The following CNTN6 variants were observed in gnomAD, a reference collection of about 807,000 sequenced individuals.
CNTN6 encodes contactin-6.
A neutral mutation model predicts 122.8 loss-of-function variants in CNTN6; 137 were observed. The ratio of observed to expected loss-of-function variants is 1.12; its 90% CI spans 0.97 to 1.29. CNTN6 has a LOEUF of 1.29. Among genes scored for constraint, CNTN6 ranks in the 50% most tolerant of loss-of-function variants. CNTN6 has a pLI of 0.00. For synonymous variants in CNTN6, 570 were observed against 426.0 expected (o/e 1.34, Z -4.16); for missense variants, 1,634 against 1,223.4 (o/e 1.34, Z -5.01).
chr3:1,174,898 C>T (rs2093420659), intron 2 of CNTN6, among the ~76,000 whole-genome samples: 2 of 152,176 alleles, frequency 1.3e-5, no homozygotes, highest in African/African-American at 4.8e-5. Context: ...CACGCGTGTG[C>T]ACACACAGAC....
intron 2 of CNTN6, among the ~76,000 whole-genome samples, chr3:1,169,800 T>C (rs2125288458): frequency 6.6e-6 from 1 of 152,330 alleles, no homozygotes; most frequent in South Asian, 2.1e-4. Flanking sequence ...TTGATAAACT[T>C]TGGTCATTCT....
intron 7 of CNTN6, among the ~76,000 whole-genome samples, chr3:1,304,987 C>CAA (rs4065396): frequency 0.02 from 2,016 of 103,134 alleles, 75 homozygotes; most frequent in African/African-American, 0.064. Context: ...GAGACTCTGT[C>CAA]AAAAAAAAAA....
At chr3:1,358,545 G>C (rs1706959641) in intron 12 of CNTN6, among the ~76,000 whole-genome samples, 2 of 151,596 alleles carry the variant, frequency 1.3e-5, no homozygotes, top group South Asian at 4.2e-4. Context: ...TCTGGATCCT[G>C]AATACTCAAG....
chr3:1,198,761 G>C (rs1289525400), intron 2 of CNTN6, among the ~76,000 whole-genome samples: 1 of 151,850 alleles, frequency 6.6e-6, no homozygotes, highest in Non-Finnish European at 1.5e-5. Context: ...AAAAAATGCT[G>C]AGCTACAACA....
chr3:1,245,921 A>G (rs1171824580), intron 4 of CNTN6, among the ~76,000 whole-genome samples: 2 of 152,058 alleles, frequency 1.3e-5, no homozygotes, highest in East Asian at 3.9e-4. Flanking sequence ...AGCTAAAAAA[A>G]AAATTGCAAA....
chr3:1,298,121 A>G, intron 7 of CNTN6, 130 bp downstream of exon 7: 2 of 638,010 alleles, frequency 3.1e-6, no homozygotes. Flanking sequence ...CAACAGTGGA[A>G]CTTTCTGATT....
chr3:1,374,149 T>C, intron 16 of CNTN6, 76 bp downstream of exon 16: 1 of 1,443,830 alleles, frequency 6.9e-7, no homozygotes, highest in Non-Finnish European at 9.3e-7. Context: ...AGTATTTTTA[T>C]GTGTCTTCTA....
intron 1 of CNTN6, among the ~76,000 whole-genome samples, chr3:1,103,797 A>G (rs2091076179): frequency 6.6e-6 from 1 of 152,168 alleles, no homozygotes; most frequent in Non-Finnish European, 1.5e-5. Context: ...ATTTTCTGCC[A>G]GTGAAGTTTC....
intron 12 of CNTN6, among the ~76,000 whole-genome samples, chr3:1,368,486 T>C (rs1194770631): frequency 6.6e-6 from 1 of 152,202 alleles, no homozygotes; most frequent in African/African-American, 2.4e-5. Context: ...ACAGTCTTAA[T>C]GGTTTCATAA....
intron 7 of CNTN6, among the ~76,000 whole-genome samples, chr3:1,308,532 G>C (rs1177668970): frequency 1.3e-5 from 2 of 152,008 alleles, no homozygotes; most frequent in Non-Finnish European, 2.9e-5. Flanking sequence ...ACAGAGAAAA[G>C]AAGTATGTGT....
intron 2 of CNTN6, among the ~76,000 whole-genome samples, chr3:1,158,788 ATG>A (rs572680621): frequency 2.7e-5 from 3 of 110,886 alleles, no homozygotes; most frequent in African/African-American, 8.3e-5. Flanking sequence ...GTGTGTATAT[ATG>A]TGTATATATA....
rs117184225 is a variant in CNTN6, at chr3:1,253,660, G to A, written c.359-24753G>A. On this transcript the variant is annotated intron_variant, in intron 4 of 22. Transcript: ENST00000446702. The stretch of plus-strand genomic sequence containing the variant: ...CAGGTATTAGATTCTCATAAGGAGT[G>A]CACAACCTAGATCCCTCGTATGCGC... 3.0e-3 allele frequency among the ~76,000 whole-genome samples: 460 copies of A among 152,202 alleles called. 7 individuals are homozygous for A. Among genetic ancestry groups the A allele is most frequent in the East Asian group, 0.013 (66 of 5,178 alleles).
rs958679961 is a variant in CNTN6, at chr3:1,099,240, A to G, written c.-83+6120A>G. 2.2e-4 allele frequency among the ~76,000 whole-genome samples: 33 copies of G among 152,178 alleles called. No individual in the cohort carries two copies. The East Asian group carries it at 5.8e-3, about 27-fold the overall frequency. ...GCCGAGGCGGGCGGATCACGAGGTC[A>G]GGAGATCGAGACCATCCTGGCTAAC... On this transcript the variant is annotated intron_variant, in intron 1 of 22. Coordinates refer to ENST00000446702, the MANE Select transcript of CNTN6 (RefSeq NM_001289080.2).
At chr3:1,274,550 TG>T (rs1273229966) in intron 4 of CNTN6, among the ~76,000 whole-genome samples, 9 of 152,196 alleles carry the variant, frequency 5.9e-5, no homozygotes, top group African/African-American at 2.2e-4. Context: ...ATATCAGATC[TG>T]GTGAATCTAT....
chr3:1,145,162 A>G (rs886322364), intron 1 of CNTN6, among the ~76,000 whole-genome samples: 2 of 152,182 alleles, frequency 1.3e-5, no homozygotes, highest in Non-Finnish European at 2.9e-5. Context: ...AACTTTCGTC[A>G]AGATAACAGT....
chr3:1,169,989 C>T (rs1438803873), intron 2 of CNTN6, among the ~76,000 whole-genome samples: 1 of 152,082 alleles, frequency 6.6e-6, no homozygotes, highest in East Asian at 1.9e-4. Context: ...AATCCCAGCA[C>T]TTTGTGAGGC....
At chr3:1,367,242 C>T (rs886794196) in intron 12 of CNTN6, among the ~76,000 whole-genome samples, 4 of 152,014 alleles carry the variant, frequency 2.6e-5, no homozygotes, top group African/African-American at 9.7e-5. Context: ...TGCCGTAGGT[C>T]TCTAAAACTT....
At chr3:1,311,260 T>G (rs1238844809) in intron 7 of CNTN6, among the ~76,000 whole-genome samples, 4 of 147,008 alleles carry the variant, frequency 2.7e-5, no homozygotes, top group Non-Finnish European at 6.0e-5. Flanking sequence ...TATATTTGTA[T>G]ATGTGTATAT....
chr3:1,386,346 C>CCTTATTACTACAGCTTA (rs1692931616), intron 20 of CNTN6, among the ~76,000 whole-genome samples: 1 of 152,100 alleles, frequency 6.6e-6, no homozygotes, highest in Non-Finnish European at 1.5e-5. Flanking sequence ...TTTTAGGATA[C>CCTTATTACTACAGCTTA]CTTATTACTA....
Sources: allele counts gnomAD v4.1 joint callset (sites outside exome capture counted in the v4.1 genomes callset), GRCh38; gene constraint gnomAD v4.1.1; transcripts MANE v1.5; gene names NCBI Gene and HGNC (gene_info 2026-07-23, HGNC 2026-07-21).